Variants in HROB observed in about 807,000 individuals in gnomAD.
HROB encodes homologous recombination OB-fold protein.
In HROB, 44 loss-of-function variants were observed where a neutral mutation model predicts 61.0. The ratio of observed to expected loss-of-function variants is 0.72; its 90% CI spans 0.57 to 0.93. The LOEUF (loss-of-function observed/expected upper bound fraction) is 0.93. Among genes scored for constraint, HROB ranks in the 40% least tolerant of loss-of-function variants. The probability of loss-of-function intolerance (pLI) is 0.00; values close to 1 mark genes in which losing one functional copy is unlikely to be tolerated. For missense variants in HROB, 716 were observed against 796.2 expected, an observed-to-expected ratio of 0.90 and a Z score of 1.21; for synonymous variants, 301 against 310.4, an observed-to-expected ratio of 0.97 and a Z score of 0.32.
At chr17:44,149,212 G>T (rs2053721457) in intron 3 of HROB, among the ~76,000 whole-genome samples, 185 bp downstream of exon 3, 1 of 152,006 alleles carries the variant, frequency 6.6e-6, no homozygotes, top group Non-Finnish European at 1.5e-5. Flanking sequence ...GTGAAGAAGT[G>T]CTTAAGGCTC....
rs755448659 is a variant in HROB at position 44,147,854 on chromosome 17, G to A, written c.55-4G>A. On this transcript the variant is annotated splice_region_variant and splice_polypyrimidine_tract_variant and intron_variant, in intron 2 of 9. Transcript: ENST00000585683. ...CAAGACCTACCATCTCTGCTTCCTT[G>A]TAGGATTTCTTGTCTGCTGTGGAGG... The A allele has an allele frequency of 6.2e-7, 1 of 1,607,824 alleles. No individual in the cohort carries two copies. The highest frequency in any genetic ancestry group is 8.5e-7 in the Non-Finnish European group (1 of 1,175,292).
In HROB at chr17:44,148,952, C is replaced by A. The variant is rs765714281; in HGVS notation, c.1149C>A (p.Pro383=). ...VQLVTAASRT[P]QQPTHPSTRA... is the part of the protein sequence containing the mutation. ...TAGTCACTGCTGCCAGCCGGACACC[C>A]CAGCAGCCCACCCATCCCTCCACCC... Residue 383 remains proline, a synonymous_variant, in exon 3 of 10, where the codon CCC becomes CCA. Coordinates refer to ENST00000585683, the MANE Select transcript of HROB (RefSeq NM_001171251.3). 4 of 1,614,110 alleles carry A rather than the reference C, an allele frequency of 2.5e-6. No homozygotes were observed. The highest frequency in any genetic ancestry group is 1.6e-4 in the Middle Eastern group (1 of 6,062).
chr17:44,160,651 G>A (rs2054111382), intron 9 of HROB, among the ~76,000 whole-genome samples: 1 of 152,048 alleles, frequency 6.6e-6, no homozygotes, highest in African/African-American at 2.4e-5. Context: ...TTATTATACT[G>A]GAACAGTTTG....
In HROB at chr17:44,155,307, C is replaced by T. The variant is rs372853397; in HGVS notation, c.1666C>T (p.Leu556Phe). The T allele has an allele frequency of 2.5e-6, 4 of 1,614,072 alleles. No individual in the cohort carries two copies. The highest frequency in any genetic ancestry group is 3.4e-6 in the Non-Finnish European group (4 of 1,180,046). ...LKQIGVFSPSLRNHYLNVTPN... is the reference protein window; with the variant it reads ...LKQIGVFSPSFRNHYLNVTPN... ...CCAGATTGGAGTGTTTTCTCCTTCA[C>T]TTCGAAATCACTACCTCAACGTGAC... The change falls in exon 8 of 10, where the codon CTT becomes TTT. Residue 556 changes from leucine to phenylalanine, a missense_variant. Physicochemically the swap from Leu to Phe is conservative, Grantham distance 22. Transcript: ENST00000585683.
chr17:44,161,858 C>A lies in HROB; in HGVS notation c.1880-13C>A, dbSNP rs764694873. On this transcript the variant is annotated splice_polypyrimidine_tract_variant and intron_variant, in intron 9 of 9. Transcript: ENST00000585683. ...GTTGTCACTAAGGCTACCCATCATT[C>A]CCCTCTCTGTAGATGACCTGGATGG... The A allele has an allele frequency of 1.9e-6, 3 of 1,613,304 alleles. No individual in the cohort carries two copies. Among genetic ancestry groups the A allele is most frequent in the African/African-American group, 1.3e-5 (1 of 75,030 alleles).
At chr17:44,157,782 T>G (rs1323129191) in intron 8 of HROB, 51 bp from the exon 9 acceptor site, 1 of 1,442,408 alleles carries the variant, frequency 6.9e-7, no homozygotes, top group Admixed American at 1.9e-5. Flanking sequence ...TGGTGCCATC[T>G]GAAGGGATTT....
chr17:44,153,921 G>A (rs1041653239), intron 5 of HROB, among the ~76,000 whole-genome samples: 3 of 152,024 alleles, frequency 2.0e-5, no homozygotes, highest in Non-Finnish European at 2.9e-5. Context: ...GGTGGCACAC[G>A]CCTGTAAGTC....
intron 9 of HROB, 101 bp downstream of exon 9, chr17:44,158,042 T>C: frequency 1.2e-6 from 1 of 813,770 alleles, no homozygotes; most frequent in Non-Finnish European, 1.9e-6. Flanking sequence ...TTTCCATGAA[T>C]CTTTGGATCT....
chr17:44,145,149 G>A (rs1182866824), intron 1 of HROB, 54 bp from the exon 2 acceptor site: 1 of 1,588,194 alleles, frequency 6.3e-7, no homozygotes, highest in Non-Finnish European at 8.6e-7. Flanking sequence ...AGTGAGGACA[G>A]AATGTGCTTG....
intron 8 of HROB, among the ~76,000 whole-genome samples, chr17:44,156,947 TAGGCGTGCC>T (rs1345617533): frequency 6.6e-6 from 1 of 152,034 alleles, no homozygotes; most frequent in Non-Finnish European, 1.5e-5. Flanking sequence ...AGGCATGAAC[TAGGCGTGCC>T]AGGCCCAGTT....
chr17:44,162,153 G>C lies in HROB; in HGVS notation c.*221G>C. On this transcript the variant is annotated 3_prime_UTR_variant, in exon 10 of 10. Coordinates refer to ENST00000585683, the MANE Select transcript of HROB (RefSeq NM_001171251.3). ...TGCCGTTGGCACCAGAATCCGGCCG[G>C]AGACTGGCTCTCCAGCCAACAAGAA... 2 of 516,306 alleles carry C rather than the reference G, an allele frequency of 3.9e-6. No homozygotes were observed. Among genetic ancestry groups the C allele is most frequent in the Non-Finnish European group, 6.9e-6 (2 of 290,410 alleles). 32.0% of individuals were successfully genotyped at this position (516,306 alleles called of 1,614,324 possible). A position where few individuals can be genotyped will look rare whatever the true frequency, so the allele number is the denominator to read the frequency against.
At chr17:44,152,981 G>A (rs1024328765) in intron 5 of HROB, among the ~76,000 whole-genome samples, 12 of 152,158 alleles carry the variant, frequency 7.9e-5, no homozygotes, top group African/African-American at 2.7e-4. Context: ...GAAGGAGAGA[G>A]TGGGTTATGG....
At chr17:44,150,786 A>G (rs1315812282) in intron 3 of HROB, among the ~76,000 whole-genome samples, 175 bp from the exon 4 acceptor site, 1 of 152,096 alleles carries the variant, frequency 6.6e-6, no homozygotes, top group Non-Finnish European at 1.5e-5. Context: ...CCAATCCCCA[A>G]AGTATCTTTT....
intron 1 of HROB, among the ~76,000 whole-genome samples, chr17:44,142,934 T>C (rs1285268000): frequency 6.6e-6 from 1 of 151,764 alleles, no homozygotes; most frequent in African/African-American, 2.4e-5. Flanking sequence ...CTGACACCTG[T>C]TTTTGTTTGT....
In HROB at chr17:44,151,002, C is replaced by G; in HGVS notation, c.1266C>G (p.Pro422=). 6.2e-7 allele frequency: 1 copy of G among 1,613,346 alleles called. No individual in the cohort carries two copies. Among genetic ancestry groups the G allele is most frequent in the Non-Finnish European group, 8.5e-7 (1 of 1,179,932 alleles). ...RSLEDIMVSA[P]QTPTHGALAK... is the part of the protein sequence containing the mutation. Reference sequence around the variant, plus strand: ...TGGAGGACATCATGGTTTCCGCGCCCCAAACTCCAACCCATGGTGCTCTGG... The same window carrying G: ...TGGAGGACATCATGGTTTCCGCGCCGCAAACTCCAACCCATGGTGCTCTGG... The change falls in exon 4 of 10, where the codon CCC becomes CCG. Residue 422 remains proline, a synonymous_variant. Coordinates refer to ENST00000585683, the MANE Select transcript of HROB (RefSeq NM_001171251.3).
intron 8 of HROB, 88 bp from the exon 9 acceptor site, chr17:44,157,745 G>T: frequency 1.0e-6 from 1 of 960,038 alleles, no homozygotes; most frequent in Non-Finnish European, 1.6e-6. Context: ...GCCCCACACT[G>T]TTCGTTTGAG....
chr17:44,145,156 C>T, intron 1 of HROB, 47 bp from the exon 2 acceptor site: 2 of 1,602,098 alleles, frequency 1.2e-6, no homozygotes, highest in African/African-American at 1.3e-5. Context: ...ACAGAATGTG[C>T]TTGCAAATGG....
chr17:44,158,648 ATT>A (rs34904275), intron 9 of HROB, among the ~76,000 whole-genome samples: 61 of 143,118 alleles, frequency 4.3e-4, no homozygotes, highest in East Asian at 6.3e-4. Flanking sequence ...ATGCCCAGCA[ATT>A]TTTTTTTTTT....
chr17:44,154,893 G>A lies in HROB; in HGVS notation c.1599G>A (p.Thr533=), dbSNP rs759193752. The change falls in exon 7 of 10, where the codon ACG becomes ACA. Residue 533 remains threonine, a synonymous_variant. Coordinates refer to ENST00000585683, the MANE Select transcript of HROB (RefSeq NM_001171251.3). ...QGTVHRLLLE[T]CQNELKPGSV... ...CGGTGCACAGGTTGCTGCTGGAGACGTGCCAGAATGAGCTGAAGCCTGGCT... is the reference window on the plus strand; with the variant it reads ...CGGTGCACAGGTTGCTGCTGGAGACATGCCAGAATGAGCTGAAGCCTGGCT... The A allele has an allele frequency of 3.1e-6, 5 of 1,613,978 alleles. No individual in the cohort carries two copies. Among genetic ancestry groups the A allele is most frequent in the Non-Finnish European group, 4.2e-6 (5 of 1,180,036 alleles).
Sources: gnomAD v4.1 joint callset for allele counts (sites outside exome capture counted in the v4.1 genomes callset) on GRCh38, gnomAD v4.1.1 for gene constraint, MANE v1.5 for transcripts, NCBI Gene and HGNC (gene_info 2026-07-23, HGNC 2026-07-21) for gene names.